Variants in UTP4 observed in about 807,000 individuals in gnomAD.
UTP4 encodes the protein UTP4 small subunit processome component, also known as U3 small nucleolar RNA-associated protein 4 homolog.
A neutral mutation model predicts 82.4 loss-of-function variants in UTP4; 45 were observed. The observed-to-expected ratio is 0.55, with a 90% CI of 0.43 to 0.70. The LOEUF (loss-of-function observed/expected upper bound fraction) is 0.70. Among genes scored for constraint, UTP4 ranks in the 30% least tolerant of loss-of-function variants. The probability of loss-of-function intolerance (pLI) is 0.00; values close to 1 mark genes in which losing one functional copy is unlikely to be tolerated. For synonymous variants in UTP4, 348 were observed against 300.3 expected, an observed-to-expected ratio of 1.16 and a Z score of -1.64; for missense variants, 819 against 858.3, an observed-to-expected ratio of 0.95 and a Z score of 0.57.
chr16:69,145,981 T>C (rs1963097658), intron 6 of UTP4, among the ~76,000 whole-genome samples: 1 of 152,044 alleles, frequency 6.6e-6, no homozygotes. Context: ...TTTTCTGTAA[T>C]TCCTTAATGA....
intron 14 of UTP4, among the ~76,000 whole-genome samples, chr16:69,164,058 G>A (rs989081186): frequency 6.6e-6 from 1 of 151,978 alleles, no homozygotes; most frequent in African/African-American, 2.4e-5. Context: ...CTAATTTTTT[G>A]TATTTTTAGT....
intron 15 of UTP4, 189 bp downstream of exon 15, chr16:69,165,715 A>T (rs1963686015): frequency 1.3e-5 from 9 of 669,978 alleles, no homozygotes; most frequent in Non-Finnish European, 2.1e-5. Context: ...GTGTTCCCAC[A>T]GTTCTTCGGG....
At chr16:69,160,198 A>G (rs1278519167) in intron 12 of UTP4, among the ~76,000 whole-genome samples, 158 bp from the exon 13 acceptor site, 1 of 152,194 alleles carries the variant, frequency 6.6e-6, no homozygotes, top group East Asian at 1.9e-4. Flanking sequence ...AAAAGTAGAA[A>G]CATTAACATC....
chr16:69,133,646 G>A (rs752529084), intron 2 of UTP4, 28 bp downstream of exon 2: 3 of 1,609,800 alleles, frequency 1.9e-6, no homozygotes, highest in East Asian at 2.2e-5. Context: ...CTGATATGGT[G>A]TTTTGATGTT....
intron 13 of UTP4, among the ~76,000 whole-genome samples, chr16:69,162,170 T>C (rs1373426681): frequency 1.3e-5 from 2 of 151,912 alleles, no homozygotes; most frequent in East Asian, 3.9e-4. Flanking sequence ...GGTTTCACCA[T>C]GTTGGCCAGG....
intron 3 of UTP4, among the ~76,000 whole-genome samples, chr16:69,137,589 G>A (rs1293274308): frequency 6.6e-6 from 1 of 152,162 alleles, no homozygotes; most frequent in Non-Finnish European, 1.5e-5. Context: ...TCTGTTTTCT[G>A]TCTAGGATAT....
rs1174792975 is a variant in UTP4, at chr16:69,155,947, T to C, written c.1241T>C (p.Phe414Ser). Residue 414 changes from phenylalanine to serine, a missense_variant, in exon 11 of 17, where the codon TTT becomes TCT. Phe to Ser is a radical substitution (Grantham distance 155). Coordinates refer to ENST00000314423, the MANE Select transcript of UTP4 (RefSeq NM_032830.3). ...GCCTATTCTACAGTTTCTCGGTTTT[T>C]TCTCTATCGGCTGAATTATGAACAT... The part of the protein sequence containing the change: ...WIAYSTVSRF[F>S]LYRLNYEHDN... 1 of 1,614,038 alleles carries C rather than the reference T, an allele frequency of 6.2e-7. No homozygotes were observed. The highest frequency in any genetic ancestry group is 8.5e-7 in the Non-Finnish European group (1 of 1,180,010).
chr16:69,156,167 T>TTTG (rs1290924392), intron 11 of UTP4, among the ~76,000 whole-genome samples, 174 bp downstream of exon 11: 2 of 151,194 alleles, frequency 1.3e-5, no homozygotes, highest in Non-Finnish European at 3.0e-5. Flanking sequence ...TTTTTTTTTT[T>TTTG]TTTTGAGACG....
chr16:69,151,839 G>A (rs1456868914), intron 8 of UTP4, among the ~76,000 whole-genome samples: 3 of 151,262 alleles, frequency 2.0e-5, no homozygotes, highest in Non-Finnish European at 2.9e-5. Context: ...GTCTTTCAGG[G>A]TAGGCTCTAT....
chr16:69,141,406 G>A (rs1053406267), intron 5 of UTP4, among the ~76,000 whole-genome samples: 9 of 152,176 alleles, frequency 5.9e-5, no homozygotes, highest in Non-Finnish European at 1.3e-4. Flanking sequence ...CCCTGGCTCC[G>A]CTGTCTTCCA....
At chr16:69,168,744 T>G (rs1963765279) in intron 16 of UTP4, 77 bp from the exon 17 acceptor site, 2 of 885,708 alleles carry the variant, frequency 2.3e-6, no homozygotes, top group Admixed American at 3.4e-5. Flanking sequence ...GCTTAGATGG[T>G]GTCTACCTAC....
intron 14 of UTP4, 87 bp from the exon 15 acceptor site, chr16:69,165,254 A>T: frequency 8.6e-7 from 1 of 1,164,674 alleles, no homozygotes; most frequent in Non-Finnish European, 1.3e-6. Flanking sequence ...GAAGCTTTGT[A>T]TAGATACTTT....
At chr16:69,142,642 G>A (rs1962990694) in intron 5 of UTP4, among the ~76,000 whole-genome samples, 1 of 152,140 alleles carries the variant, frequency 6.6e-6, no homozygotes, top group African/African-American at 2.4e-5. Context: ...GCCGACCTGG[G>A]ACTTAGTTTC....
intron 10 of UTP4, 34 bp downstream of exon 10, chr16:69,154,491 G>T: frequency 6.8e-7 from 1 of 1,460,558 alleles, no homozygotes; most frequent in Non-Finnish European, 9.6e-7. Context: ...GAATTCTAGA[G>T]CCTGAATTCT....
At chr16:69,154,334 A>G in intron 9 of UTP4, 59 bp from the exon 10 acceptor site, 1 of 1,388,138 alleles carries the variant, frequency 7.2e-7, no homozygotes, top group South Asian at 1.2e-5. Context: ...TTTTAGAAGA[A>G]AAATGTACAA....
intron 12 of UTP4, among the ~76,000 whole-genome samples, chr16:69,158,877 A>G (rs1221216875): frequency 6.6e-6 from 1 of 152,140 alleles, no homozygotes; most frequent in Non-Finnish European, 1.5e-5. Context: ...GGCATAGAGC[A>G]TCACTGTCCA....
chr16:69,141,888 G>A (rs1167180094), intron 5 of UTP4, among the ~76,000 whole-genome samples: 1 of 151,102 alleles, frequency 6.6e-6, no homozygotes, highest in Non-Finnish European at 1.5e-5. Context: ...TGCACAATGT[G>A]CAGGTTAGTT....
At chr16:69,139,683 T>TAAAA (rs1334306915) in intron 4 of UTP4, 142 bp from the exon 5 acceptor site, 18 of 346,812 alleles carry the variant, frequency 5.2e-5, no homozygotes, top group South Asian at 3.6e-4. Context: ...AATAAATAAA[T>TAAAA]AAAATGGTGC....
rs1487839079 is a variant in UTP4 at position 69,165,500 on chromosome 16, A to G, written c.1807A>G (p.Met603Val). The G allele has an allele frequency of 3.7e-6, 6 of 1,614,012 alleles. No homozygotes were observed. Among genetic ancestry groups the G allele is most frequent in the Admixed American group, 3.3e-5 (2 of 60,024 alleles). The change falls in exon 15 of 17, where the codon ATG becomes GTG. Residue 603 changes from methionine (M) to valine (V), a missense_variant. Physicochemically the swap from Met to Val is conservative, Grantham distance 21. Coordinates refer to ENST00000314423, the MANE Select transcript of UTP4 (RefSeq NM_032830.3). ...GCACATCCTTCTCCATGATGCCTAC[A>G]TGTTCTGCATCATTGACAAGTCATT... ...PMHILLHDAY[M>V]FCIIDKSLPL...
Sources: gnomAD v4.1 joint callset for allele counts (sites outside exome capture counted in the v4.1 genomes callset) on GRCh38, gnomAD v4.1.1 for gene constraint, MANE v1.5 for transcripts, NCBI Gene and HGNC (gene_info 2026-07-23, HGNC 2026-07-21) for gene names.